The following LRP1B variants were observed in gnomAD, a reference collection of about 807,000 sequenced individuals.
The protein encoded by LRP1B is low-density lipoprotein receptor-related protein 1B.
A neutral mutation model predicts 556.6 loss-of-function variants in LRP1B; 217 were observed. The ratio of observed to expected loss-of-function variants is 0.39; its 90% CI spans 0.35 to 0.44. The LOEUF is 0.44. LRP1B is among the 20% of genes least tolerant of loss of function. The pLI is 1.00. For synonymous variants in LRP1B, 2,047 were observed against 1,865.8 expected, an observed-to-expected ratio of 1.10 and a Z score of -2.50; for missense variants, 5,053 against 5,620.8, an observed-to-expected ratio of 0.90 and a Z score of 3.23.
chr2:140,646,313 C>T (rs1021805053), intron 41 of LRP1B, among the ~76,000 whole-genome samples: 4 of 151,436 alleles, frequency 2.6e-5, no homozygotes, highest in Non-Finnish European at 3.0e-5. Flanking sequence ...ACCTGATCAC[C>T]GCATGTTTGA....
At chr2:141,581,099 A>G (rs1353053108) in intron 2 of LRP1B, among the ~76,000 whole-genome samples, 2 of 152,204 alleles carry the variant, frequency 1.3e-5, no homozygotes, top group East Asian at 3.9e-4. Context: ...TGTCTCTAGT[A>G]GCATCATATG....
At chr2:141,991,166 T>G (rs2105114973) in intron 1 of LRP1B, among the ~76,000 whole-genome samples, 1 of 152,224 alleles carries the variant, frequency 6.6e-6, no homozygotes. Flanking sequence ...ACTGTGATAT[T>G]ATGTTTATAG....
At chr2:140,630,751 A>G (rs997246777) in intron 41 of LRP1B, among the ~76,000 whole-genome samples, 1 of 152,190 alleles carries the variant, frequency 6.6e-6, no homozygotes, top group Non-Finnish European at 1.5e-5. Flanking sequence ...AATTACAAAG[A>G]ACTTACTCAG....
chr2:140,322,277 G>A (rs1271151868), intron 81 of LRP1B, among the ~76,000 whole-genome samples, 189 bp from the exon 82 acceptor site: 2 of 152,014 alleles, frequency 1.3e-5, no homozygotes. Flanking sequence ...ATTACCCAAT[G>A]CTCATCATTA....
intron 2 of LRP1B, among the ~76,000 whole-genome samples, chr2:141,568,064 C>T (rs989463300): frequency 2.0e-5 from 3 of 150,712 alleles, no homozygotes; most frequent in African/African-American, 7.3e-5. Context: ...TCATGCTAAG[C>T]AATAAAGACA....
At chr2:140,330,827 A>G (rs945706017) in intron 79 of LRP1B, among the ~76,000 whole-genome samples, 1 of 152,140 alleles carries the variant, frequency 6.6e-6, no homozygotes, top group Admixed American at 6.6e-5. Context: ...CCATCTGACA[A>G]AAGTCTAAAT....
At chr2:141,130,141 T>C (rs1234882608) in intron 7 of LRP1B, among the ~76,000 whole-genome samples, 3 of 149,926 alleles carry the variant, frequency 2.0e-5, no homozygotes, top group African/African-American at 7.3e-5. Flanking sequence ...TTTAAATTTA[T>C]CTACTTTAAA....
chr2:140,290,326 C>A (rs1158225802), intron 84 of LRP1B, among the ~76,000 whole-genome samples: 17 of 151,992 alleles, frequency 1.1e-4, no homozygotes. Flanking sequence ...AGGCAATAAA[C>A]AGGTTTTCAA....
At chr2:140,390,544 GA>G (rs35786109) in intron 66 of LRP1B, among the ~76,000 whole-genome samples, 12 of 148,652 alleles carry the variant, frequency 8.1e-5, no homozygotes, top group Admixed American at 2.0e-4. Flanking sequence ...GACAGGCATT[GA>G]AAAAAAGCAT....
At chr2:141,317,734 AC>A (rs1687085876) in intron 3 of LRP1B, among the ~76,000 whole-genome samples, 1 of 152,162 alleles carries the variant, frequency 6.6e-6, no homozygotes, top group African/African-American at 2.4e-5. Context: ...GGACCAGGTA[AC>A]TTAAATCCAT....
chr2:141,906,498 A>C (rs1284096357), intron 1 of LRP1B, among the ~76,000 whole-genome samples: 1 of 151,988 alleles, frequency 6.6e-6, no homozygotes, highest in Non-Finnish European at 1.5e-5. Context: ...ACAGCAAACA[A>C]GTTTTTTTAT....
intron 32 of LRP1B, among the ~76,000 whole-genome samples, chr2:140,803,273 T>TTG (rs1690582475): frequency 7.5e-6 from 1 of 132,896 alleles, no homozygotes; most frequent in Non-Finnish European, 1.6e-5. Flanking sequence ...TTTTTTTTTT[T>TTG]TTTTTTTTTT....
intron 2 of LRP1B, among the ~76,000 whole-genome samples, chr2:141,806,343 T>G (rs1436199289): frequency 6.6e-6 from 1 of 152,066 alleles, no homozygotes; most frequent in Non-Finnish European, 1.5e-5. Context: ...AAGATGGTGA[T>G]TTCCCTGATT....
At position 141,521,817 on chromosome 2, in the gene LRP1B, T is replaced by A. The variant is rs78070063; in HGVS notation, c.206-41284A>T. On this transcript the variant is annotated intron_variant, in intron 2 of 90. Coordinates refer to ENST00000389484, the MANE Select transcript of LRP1B (RefSeq NM_018557.3). Reference sequence around the variant, plus strand: ...AAGTCTGGATTCTATTAAGGACAAATTAATCTAAGTCCAGGAATAGTGATT... The same window carrying A: ...AAGTCTGGATTCTATTAAGGACAAAATAATCTAAGTCCAGGAATAGTGATT... 3.9e-5 allele frequency among the ~76,000 whole-genome samples: 6 copies of A among 152,216 alleles called. No homozygotes were observed. In the East Asian group the frequency reaches 1.2e-3, roughly 29 times the overall value.
intron 2 of LRP1B, among the ~76,000 whole-genome samples, chr2:141,763,714 T>C (rs940346075): frequency 2.6e-5 from 4 of 152,136 alleles, no homozygotes; most frequent in African/African-American, 9.7e-5. Context: ...AAAGAAATAG[T>C]CAGATGCAGA....
chr2:140,331,686 C>CATATATATATATATATAT (rs10571873), intron 79 of LRP1B, among the ~76,000 whole-genome samples: 43 of 143,060 alleles, frequency 3.0e-4, no homozygotes, highest in African/African-American at 1.0e-3. Flanking sequence ...TATATATATA[C>CATATATATATATATATAT]ATATATATAT....
At chr2:140,260,868 TTTTC>T (rs1681905712) in intron 86 of LRP1B, among the ~76,000 whole-genome samples, 1 of 151,836 alleles carries the variant, frequency 6.6e-6, no homozygotes, top group East Asian at 1.9e-4. Flanking sequence ...TAAACATTTA[TTTTC>T]TTTATTTTCT....
At chr2:140,382,384 C>T (rs1480939490) in intron 67 of LRP1B, among the ~76,000 whole-genome samples, 2 of 151,982 alleles carry the variant, frequency 1.3e-5, no homozygotes, top group Non-Finnish European at 2.9e-5. Flanking sequence ...AAATCAGTAA[C>T]TTAGATGGCA....
chr2:140,292,912 C>T (rs1187860897), intron 84 of LRP1B, among the ~76,000 whole-genome samples: 1 of 152,032 alleles, frequency 6.6e-6, no homozygotes, highest in African/African-American at 2.4e-5. Flanking sequence ...TTGTTTTATA[C>T]GTTACTTGAT....
Sources: gnomAD v4.1 joint callset for allele counts (sites outside exome capture counted in the v4.1 genomes callset) on GRCh38, gnomAD v4.1.1 for gene constraint, MANE v1.5 for transcripts, NCBI Gene and HGNC (gene_info 2026-07-23, HGNC 2026-07-21) for gene names.